ANO3: variants seen among roughly 807,000 people sequenced by gnomAD.
ANO3 encodes anoctamin 3.
Under a neutral mutation model 144.8 loss-of-function variants are expected in ANO3, and 99 were observed. That is an observed-to-expected ratio of 0.68 (90% CI 0.58 to 0.81). The LOEUF is 0.81. Among genes scored for constraint, ANO3 ranks in the 30% least tolerant of loss-of-function variants. ANO3 has a pLI of 0.00. For synonymous variants in ANO3, 414 were observed against 392.6 expected, an observed-to-expected ratio of 1.05 and a Z score of -0.64; for missense variants, 905 against 1,202.2, an observed-to-expected ratio of 0.75 and a Z score of 3.66.
At chr11:26,643,469 A>C in intron 23 of ANO3, 135 bp downstream of exon 23, 3 of 1,114,058 alleles carry the variant, frequency 2.7e-6, no homozygotes, top group Non-Finnish European at 3.7e-6. Flanking sequence ...AGAAGTGATT[A>C]AGCTGGCCGG....
At chr11:26,484,057 G>A (rs948177246) in intron 4 of ANO3, among the ~76,000 whole-genome samples, 2 of 152,176 alleles carry the variant, frequency 1.3e-5, no homozygotes, top group African/African-American at 4.8e-5. Flanking sequence ...TATGGTATCT[G>A]ATGAAAGAAA....
intron 1 of ANO3, among the ~76,000 whole-genome samples, chr11:26,311,229 A>G (rs1462435766): frequency 1.3e-5 from 2 of 152,138 alleles, no homozygotes; most frequent in Admixed American, 1.3e-4. Context: ...GACTAAGTCT[A>G]TTGTGTGGAT....
At chr11:26,203,821 A>C (rs915920816) in intron 1 of ANO3, among the ~76,000 whole-genome samples, 1 of 152,102 alleles carries the variant, frequency 6.6e-6, no homozygotes, top group African/African-American at 2.4e-5. Flanking sequence ...GCACAGTCTT[A>C]ACTCCTACAA....
chr11:26,338,694 C>T (rs575941705), intron 1 of ANO3, among the ~76,000 whole-genome samples: 2 of 151,906 alleles, frequency 1.3e-5, no homozygotes, highest in Admixed American at 6.6e-5. Context: ...AGACCATGAA[C>T]CCCCCCACTG....
chr11:26,297,078 C>A (rs986387836), intron 1 of ANO3, among the ~76,000 whole-genome samples: 1 of 151,886 alleles, frequency 6.6e-6, no homozygotes, highest in Non-Finnish European at 1.5e-5. Flanking sequence ...ATATAATATA[C>A]TTTAGGATTC....
intron 14 of ANO3, among the ~76,000 whole-genome samples, chr11:26,568,783 T>TTTAG (rs780260426): frequency 6.6e-6 from 1 of 151,996 alleles, no homozygotes; most frequent in Non-Finnish European, 1.5e-5. Context: ...TATAATTCAG[T>TTTAG]TTAGTTTAAA....
At chr11:26,302,704 A>G (rs1233086919) in intron 1 of ANO3, among the ~76,000 whole-genome samples, 1 of 152,226 alleles carries the variant, frequency 6.6e-6, no homozygotes, top group East Asian at 1.9e-4. Flanking sequence ...CATGCCTTAT[A>G]TCTTATTATT....
rs1849991490 is a variant in ANO3 at position 26,553,265 on chromosome 11, G to GC, written c.1308dup (p.Thr437HisfsTer2). 1.4e-6 allele frequency: 2 copies of GC among 1,420,452 alleles called. No individual in the cohort carries two copies. The highest frequency in any genetic ancestry group is 1.5e-5 in the African/African-American group (1 of 68,016). 88.0% of individuals were successfully genotyped at this position (1,420,452 alleles called of 1,614,324 possible). A position where few individuals can be genotyped will look rare whatever the true frequency, so the allele number is the denominator to read the frequency against. ...TTTCTCAAGCCAAGAAATTTGTAAA[G>GC]CCACTGAAGTCTTTATGTGCCCTCT... is the stretch of plus-strand genomic sequence containing the variant. On this transcript the variant is annotated frameshift_variant, in exon 13 of 27. Transcript: ENST00000256737. LOFTEE classifies it high-confidence loss of function.
intron 4 of ANO3, among the ~76,000 whole-genome samples, chr11:26,476,473 A>G (rs1468853845): frequency 1.3e-5 from 2 of 152,140 alleles, no homozygotes; most frequent in Admixed American, 6.6e-5. Context: ...CTATGTGCTT[A>G]TATGGCAAAA....
intron 1 of ANO3, among the ~76,000 whole-genome samples, chr11:26,414,974 TACC>T (rs1192348768): frequency 6.6e-6 from 1 of 151,868 alleles, no homozygotes; most frequent in African/African-American, 2.4e-5. Flanking sequence ...CCTCTCTCCC[TACC>T]ACCACTATAC....
At chr11:26,474,003 A>AGCAGG in intron 4 of ANO3, 5 of 985,184 alleles carry the variant, frequency 5.1e-6, no homozygotes, top group Non-Finnish European at 6.0e-6. Context: ...TAATGGAAAA[A>AGCAGG]GCAGGCGGTG....
exon 1 of ANO3, chr11:26,189,074 A>T: frequency 2.7e-6 from 1 of 368,524 alleles, no homozygotes; most frequent in Non-Finnish European, 3.8e-6. Context: ...GAAAGCCTAT[A>T]GTTATGACTG....
chr11:26,643,959 C>G (rs1853256214), intron 23 of ANO3, among the ~76,000 whole-genome samples: 1 of 152,126 alleles, frequency 6.6e-6, no homozygotes, highest in African/African-American at 2.4e-5. Context: ...AAGGCCATCT[C>G]CAGATATTGA....
intron 1 of ANO3, among the ~76,000 whole-genome samples, chr11:26,341,284 G>C (rs762505937): frequency 6.6e-6 from 1 of 152,046 alleles, no homozygotes; most frequent in Non-Finnish European, 1.5e-5. Context: ...TGTGTATTAG[G>C]TTTGTGTTTC....
At chr11:26,269,836 C>T (rs559771207) in intron 1 of ANO3, among the ~76,000 whole-genome samples, 4 of 152,264 alleles carry the variant, frequency 2.6e-5, no homozygotes, top group Admixed American at 1.3e-4. Flanking sequence ...TATTGAAATC[C>T]GAAATCCCCA....
intron 1 of ANO3, among the ~76,000 whole-genome samples, chr11:26,289,322 T>A (rs1853882031): frequency 1.3e-5 from 2 of 151,704 alleles, no homozygotes; most frequent in South Asian, 4.2e-4. Context: ...TACTCAGTAA[T>A]AAAAATGGGA....
At chr11:26,188,873 T>C (rs1353034043) in exon 1 of ANO3, among the ~76,000 whole-genome samples, 1 of 152,144 alleles carries the variant, frequency 6.6e-6, no homozygotes, top group African/African-American at 2.4e-5. Flanking sequence ...TACTTTTCAC[T>C]GCAGCCTCTC....
rs1855071178 is a variant in ANO3 at position 26,332,313 on chromosome 11, A to G, written c.38A>G (p.Gln13Arg). The G allele has an allele frequency of 6.2e-7, 1 of 1,613,876 alleles. No individual in the cohort carries two copies. The change falls in exon 1 of 27, where the codon CAG becomes CGG. Residue 13 changes from glutamine (Q) to arginine (R), a missense_variant. Transcript: ENST00000256737. ...HHSGSIQSFK[Q>R]QKGMNISKSE... ...TCAGGCTCCATTCAGTCCTTTAAAC[A>G]GCAAAAAGGTCAGTTGGAATCTTGC...
At chr11:26,419,104 CAA>C (rs1857678665) in intron 1 of ANO3, among the ~76,000 whole-genome samples, 5 of 135,844 alleles carry the variant, frequency 3.7e-5, no homozygotes, top group African/African-American at 1.2e-4. Context: ...AGGAAACTTA[CAA>C]TCATGGCAGA....
Sources: allele counts gnomAD v4.1 joint callset (sites outside exome capture counted in the v4.1 genomes callset), GRCh38; gene constraint gnomAD v4.1.1; transcripts MANE v1.5; gene names NCBI Gene and HGNC (gene_info 2026-07-23, HGNC 2026-07-21).